The following PCDH9 variants were observed in gnomAD, a reference collection of about 807,000 sequenced individuals.
PCDH9 encodes protocadherin-9.
Under a neutral mutation model 70.6 loss-of-function variants are expected in PCDH9, and 24 were observed. That is an observed-to-expected ratio of 0.34 (90% confidence interval 0.25 to 0.48). The LOEUF is 0.48. Among genes scored for constraint, PCDH9 ranks in the 20% least tolerant of loss-of-function variants. PCDH9 has a pLI of 0.99. For synonymous variants in PCDH9, 562 were observed against 558.5 expected (o/e 1.01, Z -0.09); for missense variants, 1,281 against 1,503.6 (o/e 0.85, Z 2.45).
chr13:66,735,136 T>C lies in PCDH9; in HGVS notation c.3139-103725A>G, dbSNP rs2079129061. ...GAAAAGTTATATCTACAACAGATTG[T>C]GCTATTGACTTCTCAAAATTTCAAA... On this transcript the variant is annotated intron_variant, in intron 3 of 4. Transcript: ENST00000377865. Among the ~76,000 whole-genome samples, 5 of 152,314 alleles carry C rather than the reference T, an allele frequency of 3.3e-5. No individual in the cohort carries two copies. The South Asian group carries it at 1.0e-3, about 32-fold the overall frequency.
chr13:66,557,773 A>C (rs1961799539), intron 4 of PCDH9, among the ~76,000 whole-genome samples: 1 of 152,216 alleles, frequency 6.6e-6, no homozygotes, highest in Admixed American at 6.5e-5. Context: ...TGATAAATAC[A>C]AAGGTAGATG....
chr13:66,920,921 G>C (rs2082627585), intron 2 of PCDH9, among the ~76,000 whole-genome samples: 1 of 151,128 alleles, frequency 6.6e-6, no homozygotes, highest in African/African-American at 2.4e-5. Context: ...TGAAATTATA[G>C]TAAAACCAGA....
rs373553299 is a variant in PCDH9 at position 66,306,620 on chromosome 13, T to C, written c.3341-1592A>G. Among the ~76,000 whole-genome samples, 5 of 151,674 alleles carry C rather than the reference T, an allele frequency of 3.3e-5. No homozygotes were observed. In the East Asian group the frequency reaches 9.7e-4, roughly 29 times the overall value. On this transcript the variant is annotated intron_variant, in intron 4 of 4. Transcript: ENST00000377865. ...CACTATTTCATATAAACTCAAAGTT[T>C]AGCGATTTTTTTTATATCTAAAAGT... is the stretch of plus-strand genomic sequence containing the variant.
At chr13:66,639,173 C>T (rs576815263) in intron 3 of PCDH9, among the ~76,000 whole-genome samples, 10 of 152,158 alleles carry the variant, frequency 6.6e-5, no homozygotes, top group Non-Finnish European at 1.3e-4. Flanking sequence ...ACTTACTGCT[C>T]TTTTAACCAG....
intron 2 of PCDH9, among the ~76,000 whole-genome samples, chr13:67,090,665 T>C (rs1337286256): frequency 6.6e-6 from 1 of 151,684 alleles, no homozygotes; most frequent in African/African-American, 2.4e-5. Context: ...AGTTCTGAAA[T>C]GTTAAAGAAT....
intron 2 of PCDH9, among the ~76,000 whole-genome samples, chr13:67,080,617 A>G (rs929893339): frequency 1.3e-5 from 2 of 152,204 alleles, no homozygotes; most frequent in African/African-American, 4.8e-5. Flanking sequence ...GGTAACTATG[A>G]CTGATTTGTG....
At chr13:66,911,128 AT>A (rs2082457817) in intron 2 of PCDH9, among the ~76,000 whole-genome samples, 1 of 152,174 alleles carries the variant, frequency 6.6e-6, no homozygotes, top group Non-Finnish European at 1.5e-5. Flanking sequence ...TCTTATAGAA[AT>A]TTTGGTAATG....
chr13:66,597,485 T>C (rs894191436), intron 4 of PCDH9, among the ~76,000 whole-genome samples: 12 of 151,672 alleles, frequency 7.9e-5, no homozygotes, highest in Non-Finnish European at 1.5e-4. Context: ...GGGGAAAGGA[T>C]AGTCCCTTCA....
chr13:66,490,929 T>C (rs1959023259), intron 4 of PCDH9, among the ~76,000 whole-genome samples: 1 of 152,236 alleles, frequency 6.6e-6, no homozygotes, highest in African/African-American at 2.4e-5. Flanking sequence ...CTTCAGGCTA[T>C]GCTGTTGAGA....
chr13:66,671,051 T>C (rs1028984195), intron 3 of PCDH9, among the ~76,000 whole-genome samples: 1 of 152,082 alleles, frequency 6.6e-6, no homozygotes, highest in Non-Finnish European at 1.5e-5. Context: ...GTTGTGTTTT[T>C]CCCATTCTGT....
chr13:66,683,446 T>A (rs1192549174), intron 3 of PCDH9, among the ~76,000 whole-genome samples: 1 of 152,186 alleles, frequency 6.6e-6, no homozygotes, highest in Non-Finnish European at 1.5e-5. Flanking sequence ...AAACAGCCAC[T>A]GGGATAATGC....
At chr13:66,779,626 T>C (rs1319497104) in intron 3 of PCDH9, among the ~76,000 whole-genome samples, 2 of 151,940 alleles carry the variant, frequency 1.3e-5, no homozygotes, top group Non-Finnish European at 2.9e-5. Flanking sequence ...ATTGAGACCA[T>C]CTTAGCCAAC....
At chr13:66,897,209 GAAGAA>G (rs1348181197) in intron 3 of PCDH9, among the ~76,000 whole-genome samples, 1 of 151,668 alleles carries the variant, frequency 6.6e-6, no homozygotes. Flanking sequence ...TTTATGGAAG[GAAGAA>G]AAGAAGGGAG....
intron 2 of PCDH9, among the ~76,000 whole-genome samples, chr13:66,993,247 A>G (rs943873442): frequency 6.6e-6 from 1 of 152,216 alleles, no homozygotes; most frequent in African/African-American, 2.4e-5. Flanking sequence ...CATATATTAA[A>G]TTTAAAAACA....
intron 2 of PCDH9, among the ~76,000 whole-genome samples, chr13:66,968,517 T>C (rs987727713): frequency 6.6e-6 from 1 of 152,048 alleles, no homozygotes; most frequent in Non-Finnish European, 1.5e-5. Flanking sequence ...GCTTCTTTTA[T>C]TGGTTTCTTG....
chr13:66,429,121 G>T (rs1353651120), intron 4 of PCDH9, among the ~76,000 whole-genome samples: 1 of 151,722 alleles, frequency 6.6e-6, no homozygotes, highest in Non-Finnish European at 1.5e-5. Flanking sequence ...TATTTGCTTT[G>T]TGGCAAAATA....
chr13:66,734,050 T>C (rs2079111913), intron 3 of PCDH9, among the ~76,000 whole-genome samples: 1 of 152,106 alleles, frequency 6.6e-6, no homozygotes, highest in South Asian at 2.1e-4. Context: ...TATGGTAAGA[T>C]TTCCCACACT....
intron 2 of PCDH9, chr13:67,218,211 A>T (rs1447806009): frequency 6.6e-6 from 1 of 152,098 alleles, no homozygotes; most frequent in East Asian, 1.9e-4. Context: ...GTTCATACAG[A>T]TCTATGCAAA....
At chr13:67,001,861 G>C (rs2084252047) in intron 2 of PCDH9, 1 of 152,040 alleles carries the variant, frequency 6.6e-6, no homozygotes, top group Non-Finnish European at 1.5e-5. Context: ...GTAACTACAC[G>C]GCAGAAAACT....
Sources: allele counts gnomAD v4.1 joint callset (sites outside exome capture counted in the v4.1 genomes callset), GRCh38; gene constraint gnomAD v4.1.1; transcripts MANE v1.5; gene names NCBI Gene and HGNC (gene_info 2026-07-23, HGNC 2026-07-21).